MCF2L2: variants seen among roughly 807,000 people sequenced by gnomAD.
MCF2L2 encodes the protein MCF.2 cell line derived transforming sequence-like 2.
In MCF2L2, 102 loss-of-function variants were observed where a neutral mutation model predicts 150.2. The observed-to-expected ratio is 0.68, with a 90% CI of 0.58 to 0.80. The LOEUF is 0.80. Ranked by LOEUF, MCF2L2 falls within the 30% of genes least tolerant of loss-of-function variation. The probability of loss-of-function intolerance (pLI) is 0.00; values close to 1 mark genes in which losing one functional copy is unlikely to be tolerated. For synonymous variants in MCF2L2, 465 were observed against 491.3 expected, an observed-to-expected ratio of 0.95 and a Z score of 0.71; for missense variants, 1,256 against 1,372.8, an observed-to-expected ratio of 0.91 and a Z score of 1.34.
chr3:183,285,060 C>T (rs1229127682), intron 14 of MCF2L2, among the ~76,000 whole-genome samples: 1 of 152,226 alleles, frequency 6.6e-6, no homozygotes. Flanking sequence ...AACTTGCCCC[C>T]TGATCTGTTA....
intron 4 of MCF2L2, among the ~76,000 whole-genome samples, chr3:183,340,143 A>AAATGCAAGCTCCT (rs1730639836): frequency 6.6e-6 from 1 of 152,196 alleles, no homozygotes; most frequent in Non-Finnish European, 1.5e-5. Context: ...CCCCATCTTT[A>AAATGCAAGCTCCT]AATGCAAGCT....
At chr3:183,333,177 G>T (rs1730336667) in intron 5 of MCF2L2, among the ~76,000 whole-genome samples, 1 of 152,102 alleles carries the variant, frequency 6.6e-6, no homozygotes, top group Non-Finnish European at 1.5e-5. Flanking sequence ...CCCCCGAGTA[G>T]CTAGGACTAC....
intron 1 of MCF2L2, among the ~76,000 whole-genome samples, chr3:183,403,399 TC>T (rs2108614160): frequency 6.6e-6 from 1 of 152,382 alleles, no homozygotes; most frequent in African/African-American, 2.4e-5. Flanking sequence ...GATTGTATTA[TC>T]CGTGCTAGCA....
At chr3:183,383,898 C>G (rs1713680507) in intron 2 of MCF2L2, among the ~76,000 whole-genome samples, 1 of 152,168 alleles carries the variant, frequency 6.6e-6, no homozygotes, top group Non-Finnish European at 1.5e-5. Context: ...ATGACTGTGA[C>G]AAGTTCAAGT....
At chr3:183,383,224 A>T (rs936104330) in intron 2 of MCF2L2, among the ~76,000 whole-genome samples, 2 of 146,450 alleles carry the variant, frequency 1.4e-5, no homozygotes, top group Non-Finnish European at 1.5e-5. Flanking sequence ...TTATTTATTT[A>T]TTTTATTTAT....
chr3:183,230,528 G>A (rs923617252), intron 16 of MCF2L2, among the ~76,000 whole-genome samples: 1 of 152,100 alleles, frequency 6.6e-6, no homozygotes, highest in Non-Finnish European at 1.5e-5. Context: ...TGGTAAAAAT[G>A]TGATTATAAA....
Position 183,398,512 on chromosome 3 carries a change from TTAATA to T in MCF2L2, c.77-8738_77-8734del, listed in dbSNP as rs776460326. Among the ~76,000 whole-genome samples, 63 of 151,156 alleles carry T rather than the reference TTAATA, an allele frequency of 4.2e-4. 1 individual carries two copies. The highest frequency in any genetic ancestry group is 7.3e-4 in the Admixed American group (11 of 15,170). On this transcript the variant is annotated intron_variant, in intron 1 of 29. Transcript: ENST00000328913. ...ACTTAGAGGAATTCATTTTATAATA[TTAATA>T]TAATATATTTATAATCATATGTTAT...
intron 3 of MCF2L2, among the ~76,000 whole-genome samples, chr3:183,358,513 G>A (rs553235822): frequency 6.6e-6 from 1 of 152,232 alleles, no homozygotes; most frequent in South Asian, 2.1e-4. Flanking sequence ...GCACTGCAGT[G>A]AACTTGTGCA....
chr3:183,364,272 T>G (rs936343375), intron 3 of MCF2L2, among the ~76,000 whole-genome samples: 1 of 152,038 alleles, frequency 6.6e-6, no homozygotes, highest in African/African-American at 2.4e-5. Context: ...ATCCCAGCAC[T>G]TTGGGAGGGC....
chr3:183,226,674 C>T (rs1056918658), intron 18 of MCF2L2: 7 of 152,208 alleles, frequency 4.6e-5, no homozygotes, highest in African/African-American at 1.7e-4. Context: ...ATAATATCCA[C>T]TTTCCCACAG....
chr3:183,269,520 G>T (rs768347616), intron 15 of MCF2L2: 4 of 351,998 alleles, frequency 1.1e-5, no homozygotes, highest in Non-Finnish European at 2.0e-5. Context: ...ATTCACATGG[G>T]AGAGCCGCAT....
intron 2 of MCF2L2, among the ~76,000 whole-genome samples, chr3:183,383,941 G>C (rs1713682125): frequency 6.6e-6 from 1 of 152,112 alleles, no homozygotes; most frequent in African/African-American, 2.4e-5. Flanking sequence ...TCTCTGAGCT[G>C]AGAATTTTAA....
intron 25 of MCF2L2, among the ~76,000 whole-genome samples, chr3:183,204,048 T>C (rs1722388015): frequency 6.6e-6 from 1 of 152,202 alleles, no homozygotes; most frequent in African/African-American, 2.4e-5. Flanking sequence ...TCAATGGTTC[T>C]AGGACAATGG....
intron 3 of MCF2L2, chr3:183,378,095 T>C (rs1001204617): frequency 6.6e-6 from 1 of 152,214 alleles, no homozygotes; most frequent in African/African-American, 2.4e-5. Flanking sequence ...ATCAACTTCC[T>C]AATCTCCACA....
chr3:183,425,553 G>C (rs1338240632), intron 1 of MCF2L2, among the ~76,000 whole-genome samples: 1 of 152,170 alleles, frequency 6.6e-6, no homozygotes, highest in Non-Finnish European at 1.5e-5. Flanking sequence ...TACCCAAAGT[G>C]ACCCTCCGTG....
At position 183,294,615 on chromosome 3, in the gene MCF2L2, G is replaced by A. The variant is rs1477426302; in HGVS notation, c.1675+685C>T. ...TATATGTGTATGTGTGTGTGTGTGTGTATATATATATATATATATTTTTTT... is the reference window on the plus strand; with the variant it reads ...TATATGTGTATGTGTGTGTGTGTGTATATATATATATATATATATTTTTTT... On this transcript the variant is annotated intron_variant, in intron 13 of 29. Coordinates refer to ENST00000328913, the MANE Select transcript of MCF2L2 (RefSeq NM_015078.4). 4.0e-3 allele frequency among the ~76,000 whole-genome samples: 510 copies of A among 126,354 alleles called. 1 individual carries two copies. Among genetic ancestry groups the A allele is most frequent in the East Asian group, 0.016 (54 of 3,386 alleles). 82.9% of individuals were successfully genotyped at this position (126,354 alleles called of 152,430 possible).
chr3:183,210,178 G>A (rs1162945935), intron 22 of MCF2L2, among the ~76,000 whole-genome samples: 1 of 152,190 alleles, frequency 6.6e-6, no homozygotes, highest in East Asian at 1.9e-4. Context: ...GGAGGCTGAG[G>A]CAGGAGGATC....
chr3:183,224,381 A>T, intron 18 of MCF2L2, 191 bp from the exon 19 acceptor site: 1 of 539,256 alleles, frequency 1.9e-6, no homozygotes, highest in Non-Finnish European at 3.3e-6. Flanking sequence ...TTAAACAACC[A>T]TAACTACCAG....
chr3:183,220,085 C>A (rs1723090976), intron 20 of MCF2L2, among the ~76,000 whole-genome samples, 161 bp from the exon 21 acceptor site: 2 of 152,348 alleles, frequency 1.3e-5, no homozygotes, highest in African/African-American at 4.8e-5. Flanking sequence ...ATGTATTTGG[C>A]ACAGGGTCCT....
Sources: gnomAD v4.1 joint callset for allele counts (sites outside exome capture counted in the v4.1 genomes callset) on GRCh38, gnomAD v4.1.1 for gene constraint, MANE v1.5 for transcripts, NCBI Gene and HGNC (gene_info 2026-07-23, HGNC 2026-07-21) for gene names.